PATJ: variants seen among roughly 807,000 people sequenced by gnomAD.
The protein encoded by PATJ is inaD-like protein.
In PATJ, 190 loss-of-function variants were observed where a neutral mutation model predicts 224.9. The observed-to-expected ratio is 0.84, with a 90% CI of 0.75 to 0.95. PATJ has a LOEUF of 0.95. Ranked by LOEUF, PATJ falls within the 40% of genes least tolerant of loss-of-function variation. The probability of loss-of-function intolerance (pLI) is 0.00; values close to 1 mark genes in which losing one functional copy is unlikely to be tolerated. For synonymous variants in PATJ, 769 were observed against 820.3 expected (o/e 0.94, Z 1.07); for missense variants, 2,121 against 2,270.3 (o/e 0.93, Z 1.34).
chr1:62,104,239 T>C (rs989591999), intron 33 of PATJ, among the ~76,000 whole-genome samples: 1 of 152,182 alleles, frequency 6.6e-6, no homozygotes, highest in Non-Finnish European at 1.5e-5. Flanking sequence ...AAGCATCATA[T>C]GCATAATCAA....
At chr1:61,789,497 A>G (rs1649315042) in intron 8 of PATJ, among the ~76,000 whole-genome samples, 1 of 151,790 alleles carries the variant, frequency 6.6e-6, no homozygotes, top group Non-Finnish European at 1.5e-5. Context: ...GAAGTTTTCT[A>G]TTTGAAATAT....
intron 14 of PATJ, among the ~76,000 whole-genome samples, chr1:61,816,048 T>C (rs750478526): frequency 1.3e-5 from 2 of 152,216 alleles, no homozygotes; most frequent in Non-Finnish European, 2.9e-5. Flanking sequence ...CACCAGGTCC[T>C]GCTCTCTGGT....
intron 30 of PATJ, among the ~76,000 whole-genome samples, chr1:62,044,372 T>C (rs1476097419): frequency 1.3e-5 from 2 of 152,204 alleles, no homozygotes; most frequent in African/African-American, 4.8e-5. Context: ...CATTCTTTGG[T>C]TTCGGAGCTG....
Position 61,864,582 on chromosome 1 carries a change from G to T in PATJ, c.2784G>T (p.Arg928Ser), listed in dbSNP as rs752598630. The T allele has an allele frequency of 1.9e-6, 3 of 1,609,646 alleles. No individual in the cohort carries two copies. In the South Asian group the frequency reaches 3.3e-5, roughly 18 times the overall value. ...PSESQEARTG[R>S]TVYSQEAQPY... ...AGTCTCAAGAGGCAAGAACCGGGAG[G>T]ACTGTCTATTCCCAGGAGGCACAGC... is the stretch of plus-strand genomic sequence containing the variant. Residue 928 changes from arginine (R) to serine (S), a missense_variant, in exon 20 of 44, where the codon AGG (arginine) becomes AGT (serine). Transcript: ENST00000642238.
At chr1:61,993,629 C>A (rs960794492) in intron 28 of PATJ, among the ~76,000 whole-genome samples, 1 of 151,270 alleles carries the variant, frequency 6.6e-6, no homozygotes, top group Non-Finnish European at 1.5e-5. Flanking sequence ...TGTCAGGAAC[C>A]CAGATCAGAG....
rs183390379 is a variant in PATJ, at chr1:62,109,317, T to C, written c.4461+797T>C. Among the ~76,000 whole-genome samples, 30 of 152,218 alleles carry C rather than the reference T, an allele frequency of 2.0e-4. No homozygotes were observed. The East Asian group carries it at 4.4e-3, about 23-fold the overall frequency. On this transcript the variant is annotated intron_variant, in intron 34 of 43. Transcript: ENST00000642238. ...AATATAGCACTTACAAATGACATCATAGAATTTTATTTTTCCCTTTGGTGG... is the reference window on the plus strand; with the variant it reads ...AATATAGCACTTACAAATGACATCACAGAATTTTATTTTTCCCTTTGGTGG...
intron 27 of PATJ, among the ~76,000 whole-genome samples, chr1:61,957,248 A>T (rs938185440): frequency 6.6e-6 from 1 of 152,194 alleles, no homozygotes; most frequent in Admixed American, 6.5e-5. Flanking sequence ...GGCTCACTAA[A>T]GAAAAGGGAA....
chr1:62,062,457 G>A (rs575444530), intron 31 of PATJ, among the ~76,000 whole-genome samples: 1 of 118,256 alleles, frequency 8.5e-6, no homozygotes, highest in Non-Finnish European at 1.7e-5. Flanking sequence ...TCCCAGGCTG[G>A]AGTGCAGTGG....
Position 62,146,702 on chromosome 1 carries a change from G to A in PATJ, c.5272-1582G>A, listed in dbSNP as rs191091409. On this transcript the variant is annotated intron_variant, in intron 41 of 43. Coordinates refer to ENST00000642238, the MANE Select transcript of PATJ (RefSeq NM_001350145.3). ...TGAGGCAGGAGACTCGCTTGAACCC[G>A]GGAGGCGGAGGTTGCGGTGAGCCAA... is the stretch of plus-strand genomic sequence containing the variant. Among the ~76,000 whole-genome samples, 942 of 152,090 alleles carry A rather than the reference G, an allele frequency of 6.2e-3. 11 individuals are homozygous for A. The highest frequency in any genetic ancestry group is 0.021 in the African/African-American group (873 of 41,470).
At chr1:62,025,917 C>T (rs6683820) in intron 29 of PATJ, among the ~76,000 whole-genome samples, 1,790 of 152,302 alleles carry the variant, frequency 0.012, 18 homozygotes, top group Middle Eastern at 0.034. Flanking sequence ...ACATCAACTC[C>T]CCTGCCAGCC....
Position 61,775,594 on chromosome 1 carries a change from A to T in PATJ, c.849+260A>T, listed in dbSNP as rs570563568. ...ATTACATCAGAGGACAATTTTTTTT[A>T]TTGAAAAGCATTGTTAATGAATATT... On this transcript the variant is annotated intron_variant, in intron 7 of 43. Transcript: ENST00000642238. Among the ~76,000 whole-genome samples the T allele has an allele frequency of 7.9e-5, 12 of 152,244 alleles. No homozygotes were observed. In the South Asian group the frequency reaches 2.5e-3, roughly 32 times the overall value.
intron 10 of PATJ, among the ~76,000 whole-genome samples, chr1:61,797,013 C>G (rs1424930215): frequency 6.6e-6 from 1 of 151,936 alleles, no homozygotes; most frequent in South Asian, 2.1e-4. Flanking sequence ...TCTGCAGGTG[C>G]CTGCCACCAC....
intron 1 of PATJ, among the ~76,000 whole-genome samples, chr1:61,748,375 CT>C (rs1645139845): frequency 6.6e-6 from 1 of 150,476 alleles, no homozygotes; most frequent in Admixed American, 6.7e-5. Flanking sequence ...CTGCCTCAGC[CT>C]CCTGAGTTGC....
intron 27 of PATJ, among the ~76,000 whole-genome samples, chr1:61,975,094 G>A (rs904456601): frequency 1.3e-5 from 2 of 151,930 alleles, no homozygotes; most frequent in Non-Finnish European, 2.9e-5. Flanking sequence ...ATAGGCATGA[G>A]CCACCACACC....
chr1:61,821,498 C>G (rs1657259256), intron 14 of PATJ, among the ~76,000 whole-genome samples: 2 of 152,140 alleles, frequency 1.3e-5, no homozygotes, highest in South Asian at 4.1e-4. Flanking sequence ...AGGTCTTAGT[C>G]AGCCAGACTC....
chr1:61,856,039 G>T lies in PATJ; in HGVS notation c.2122G>T (p.Asp708Tyr). ...TTTGCTCGATTCACAGGACCCTTTA[G>T]ATCCTACAAGATCAGTGATTGTGAT... ...FSILDYQDPL[D>Y]PTRSVIVIRS... Residue 708 changes from aspartate (D) to tyrosine (Y), a missense_variant, in exon 18 of 44, where the codon GAT becomes TAT. Transcript: ENST00000642238. The T allele has an allele frequency of 6.2e-7, 1 of 1,613,800 alleles. No individual in the cohort carries two copies. The highest frequency in any genetic ancestry group is 8.5e-7 in the Non-Finnish European group (1 of 1,179,734).
intron 27 of PATJ, among the ~76,000 whole-genome samples, chr1:61,979,890 T>C (rs569510935): frequency 6.6e-6 from 1 of 152,126 alleles, no homozygotes; most frequent in East Asian, 1.9e-4. Context: ...CTTCTCTGTG[T>C]CCCTGTGTCT....
chr1:62,001,667 G>A (rs1029192628), intron 28 of PATJ, among the ~76,000 whole-genome samples: 2 of 151,868 alleles, frequency 1.3e-5, no homozygotes, highest in Non-Finnish European at 2.9e-5. Context: ...GGCAATGCGG[G>A]CTCTTTTTTG....
At chr1:61,987,134 T>G (rs1050517612) in intron 27 of PATJ, among the ~76,000 whole-genome samples, 1 of 152,064 alleles carries the variant, frequency 6.6e-6, no homozygotes, top group Non-Finnish European at 1.5e-5. Context: ...AATTTATTTC[T>G]AAACACCTGA....
Sources: gnomAD v4.1 joint callset for allele counts (sites outside exome capture counted in the v4.1 genomes callset) on GRCh38, gnomAD v4.1.1 for gene constraint, MANE v1.5 for transcripts, NCBI Gene and HGNC (gene_info 2026-07-23, HGNC 2026-07-21) for gene names.